Variants in PDE3A observed in about 807,000 individuals in gnomAD.
PDE3A encodes cGMP-inhibited 3',5'-cyclic phosphodiesterase 3A.
In PDE3A, 43 loss-of-function variants were observed where a neutral mutation model predicts 98.3. The observed-to-expected ratio is 0.44, with a 90% confidence interval of 0.34 to 0.56. PDE3A has a LOEUF of 0.56. Among genes scored for constraint, PDE3A ranks in the 20% least tolerant of loss-of-function variants. The pLI is 0.01. For synonymous variants in PDE3A, 663 were observed against 567.9 expected, an observed-to-expected ratio of 1.17 and a Z score of -2.38; for missense variants, 1,427 against 1,440.7, an observed-to-expected ratio of 0.99 and a Z score of 0.15.
intron 7 of PDE3A, among the ~76,000 whole-genome samples, chr12:20,634,334 TG>T (rs1432352206): frequency 2.6e-5 from 4 of 152,184 alleles, no homozygotes; most frequent in African/African-American, 4.8e-5. Context: ...CTTCAGACTC[TG>T]GGTGTTTACT....
At chr12:20,379,651 C>T (rs1195019357) in intron 1 of PDE3A, among the ~76,000 whole-genome samples, 3 of 151,590 alleles carry the variant, frequency 2.0e-5, no homozygotes, top group Admixed American at 2.0e-4. Context: ...AGACTTTTAA[C>T]CTGAAATATT....
At chr12:20,637,006 C>G in intron 8 of PDE3A, 94 bp from the exon 9 acceptor site, 1 of 771,946 alleles carries the variant, frequency 1.3e-6, no homozygotes, top group Non-Finnish European at 2.0e-6. Flanking sequence ...CATTTATTTC[C>G]GATAGCCACA....
At chr12:20,381,158 A>G (rs1293950366) in intron 1 of PDE3A, among the ~76,000 whole-genome samples, 1 of 151,886 alleles carries the variant, frequency 6.6e-6, no homozygotes, top group Non-Finnish European at 1.5e-5. Flanking sequence ...AGCTACAGCT[A>G]GAGCTTTTAA....
At position 20,687,017 on chromosome 12, in the gene PDE3A, T is replaced by A. The variant is rs150769885; in HGVS notation, c.*6746T>A. 7.2e-5 allele frequency among the ~76,000 whole-genome samples: 11 copies of A among 152,278 alleles called. No homozygotes were observed. Among genetic ancestry groups the A allele is most frequent in the Non-Finnish European group, 1.5e-4 (10 of 67,980 alleles). On this transcript the variant is annotated 3_prime_UTR_variant, in exon 16 of 16. Transcript: ENST00000359062. ...TTATGACAAGGAGCACTTATACATG[T>A]TTCCAAATGTGAATTAGCCCTTGAA...
chr12:20,538,994 A>C (rs1460948866), intron 1 of PDE3A, among the ~76,000 whole-genome samples: 1 of 152,022 alleles, frequency 6.6e-6, no homozygotes, highest in East Asian at 1.9e-4. Context: ...TCTTTTTAAA[A>C]AGCATGTATT....
At chr12:20,456,556 C>T (rs1003240334) in intron 1 of PDE3A, among the ~76,000 whole-genome samples, 1 of 151,922 alleles carries the variant, frequency 6.6e-6, no homozygotes, top group Admixed American at 6.6e-5. Flanking sequence ...TAATAACAGA[C>T]CAGAGTTCCA....
At chr12:20,395,530 A>G (rs1565535698) in intron 1 of PDE3A, among the ~76,000 whole-genome samples, 1 of 147,722 alleles carries the variant, frequency 6.8e-6, no homozygotes, top group Non-Finnish European at 1.5e-5. Flanking sequence ...GTGTACACAT[A>G]GTATAATATG....
At chr12:20,514,983 G>A (rs1226939385) in intron 1 of PDE3A, among the ~76,000 whole-genome samples, 3 of 152,160 alleles carry the variant, frequency 2.0e-5, no homozygotes, top group Non-Finnish European at 4.4e-5. Context: ...TATGATATCA[G>A]TATCTGACAA....
chr12:20,641,871 G>A (rs1944653625), intron 10 of PDE3A, among the ~76,000 whole-genome samples: 1 of 152,096 alleles, frequency 6.6e-6, no homozygotes, highest in African/African-American at 2.4e-5. Flanking sequence ...GTCCCAGATA[G>A]TCTCCATAAA....
chr12:20,665,564 G>A (rs1945287643), intron 15 of PDE3A, among the ~76,000 whole-genome samples: 2 of 152,088 alleles, frequency 1.3e-5, no homozygotes, highest in African/African-American at 2.4e-5. Flanking sequence ...AAACTATTTG[G>A]AATATATGAA....
intron 4 of PDE3A, among the ~76,000 whole-genome samples, chr12:20,617,358 T>C (rs1405198495): frequency 1.3e-5 from 2 of 152,172 alleles, no homozygotes; most frequent in Non-Finnish European, 1.5e-5. Context: ...TTCTAAGACA[T>C]CTATAGAATT....
intron 1 of PDE3A, among the ~76,000 whole-genome samples, chr12:20,391,745 T>G (rs1027972959): frequency 1.3e-5 from 2 of 151,858 alleles, no homozygotes; most frequent in Non-Finnish European, 2.9e-5. Flanking sequence ...AATAGGGAAC[T>G]AAGTCCCCTT....
intron 14 of PDE3A, among the ~76,000 whole-genome samples, chr12:20,652,218 T>A (rs976585491): frequency 1.9e-4 from 29 of 152,170 alleles, no homozygotes; most frequent in African/African-American, 6.7e-4. Flanking sequence ...GAATAGTGCC[T>A]CAATAAACAT....
At chr12:20,640,278 C>T (rs1944616243) in intron 10 of PDE3A, among the ~76,000 whole-genome samples, 1 of 152,032 alleles carries the variant, frequency 6.6e-6, no homozygotes, top group Non-Finnish European at 1.5e-5. Flanking sequence ...ATTTTAGTGC[C>T]TAGCACACAG....
At chr12:20,595,462 C>T (rs1447988666) in intron 2 of PDE3A, among the ~76,000 whole-genome samples, 1 of 152,070 alleles carries the variant, frequency 6.6e-6, no homozygotes, top group Admixed American at 6.5e-5. Flanking sequence ...TAGAATTAGA[C>T]ATTTCCAAAT....
chr12:20,629,954 T>C lies in PDE3A; in HGVS notation c.1587T>C (p.Pro529=). 6.2e-7 allele frequency: 1 copy of C among 1,613,958 alleles called. No individual in the cohort carries two copies. The highest frequency in any genetic ancestry group is 1.3e-5 in the African/African-American group (1 of 74,998). ...ISPLSSPCSS[P]LQGTPASSLV... is the part of the protein sequence containing the mutation. Reference sequence around the variant, plus strand: ...CTCTTTCATCGCCCTGCTCCTCACCTCTCCAAGGGACTCCTGCCAGCAGCC... The same window carrying C: ...CTCTTTCATCGCCCTGCTCCTCACCCCTCCAAGGGACTCCTGCCAGCAGCC... The change falls in exon 6 of 16, where the codon CCT becomes CCC. Residue 529 remains proline (P), a synonymous_variant. Transcript: ENST00000359062.
At chr12:20,475,613 C>G (rs1266599260) in intron 1 of PDE3A, among the ~76,000 whole-genome samples, 1 of 151,924 alleles carries the variant, frequency 6.6e-6, no homozygotes, top group African/African-American at 2.4e-5. Flanking sequence ...GCCTGTGGTC[C>G]CAGCTACTCG....
chr12:20,556,957 A>G, intron 2 of PDE3A: 2 of 493,564 alleles, frequency 4.1e-6, no homozygotes, highest in Middle Eastern at 1.0e-3. Flanking sequence ...TATAGATTTT[A>G]TATTCATCTT....
intron 1 of PDE3A, among the ~76,000 whole-genome samples, chr12:20,379,159 T>C (rs996186053): frequency 6.6e-6 from 1 of 151,876 alleles, no homozygotes; most frequent in Non-Finnish European, 1.5e-5. Context: ...CATAGAGATA[T>C]TATTCAGTGG....
Sources: gnomAD v4.1 joint callset for allele counts (sites outside exome capture counted in the v4.1 genomes callset) on GRCh38, gnomAD v4.1.1 for gene constraint, MANE v1.5 for transcripts, NCBI Gene and HGNC (gene_info 2026-07-23, HGNC 2026-07-21) for gene names.